Variants in PDE1A observed in about 807,000 individuals in gnomAD.
PDE1A encodes dual specificity calcium/calmodulin-dependent 3',5'-cyclic nucleotide phosphodiesterase 1A.
In PDE1A, 35 loss-of-function variants were observed where a neutral mutation model predicts 61.7. That is an observed-to-expected ratio of 0.57 (90% CI 0.43 to 0.75). The LOEUF (loss-of-function observed/expected upper bound fraction) is 0.75, where lower values mean the gene tolerates loss of function less well. PDE1A is among the 30% of genes least tolerant of loss of function. PDE1A has a pLI of 0.00. For synonymous variants in PDE1A, 232 were observed against 213.2 expected (o/e 1.09, Z -0.77); for missense variants, 597 against 630.6 (o/e 0.95, Z 0.57).
intron 2 of PDE1A, among the ~76,000 whole-genome samples, chr2:182,436,953 A>T (rs1574654115): frequency 6.6e-6 from 1 of 151,966 alleles, no homozygotes; most frequent in East Asian, 1.9e-4. Flanking sequence ...CCATATTTTT[A>T]AAATTATAAT....
chr2:182,243,877 T>A (rs1313285195), intron 2 of PDE1A, among the ~76,000 whole-genome samples: 2 of 152,108 alleles, frequency 1.3e-5, no homozygotes, highest in African/African-American at 4.8e-5. Flanking sequence ...CTTATTATTA[T>A]TATTTTTGAG....
chr2:182,518,471 C>G (rs1218314263), intron 2 of PDE1A, among the ~76,000 whole-genome samples: 1 of 152,116 alleles, frequency 6.6e-6, no homozygotes, highest in Non-Finnish European at 1.5e-5. Context: ...GACAACGAAG[C>G]TTAACTTAAT....
chr2:182,490,343 A>C (rs1293430908), intron 2 of PDE1A, among the ~76,000 whole-genome samples: 1 of 152,200 alleles, frequency 6.6e-6, no homozygotes, highest in Admixed American at 6.5e-5. Context: ...GGAGGATGAC[A>C]TAGGTTAAAA....
chr2:182,675,292 G>GT, the PDE1A span, among the ~76,000 whole-genome samples: 1 of 151,930 alleles, frequency 6.6e-6, no homozygotes, highest in Admixed American at 6.6e-5. Flanking sequence ...TGATCTCATT[G>GT]TTTTTTATGG....
intron 1 of PDE1A, among the ~76,000 whole-genome samples, chr2:182,264,989 AG>A (rs1692526901): frequency 1.3e-5 from 2 of 150,960 alleles, no homozygotes; most frequent in Non-Finnish European, 2.9e-5. Flanking sequence ...CATTATTCTA[AG>A]TTAGGTGACT....
intron 2 of PDE1A, among the ~76,000 whole-genome samples, chr2:182,503,506 C>T (rs1287360931): frequency 6.6e-6 from 1 of 152,158 alleles, no homozygotes; most frequent in African/African-American, 2.4e-5. Flanking sequence ...CACTCTTTCT[C>T]CTACCTGTAC....
At chr2:182,257,782 A>C (rs1222327321) in intron 2 of PDE1A, among the ~76,000 whole-genome samples, 1 of 152,204 alleles carries the variant, frequency 6.6e-6, no homozygotes, top group Non-Finnish European at 1.5e-5. Flanking sequence ...CTGTAGTGGA[A>C]GGTCTCTGTG....
the PDE1A span, among the ~76,000 whole-genome samples, chr2:182,602,645 C>A: frequency 5.3e-5 from 8 of 152,192 alleles, no homozygotes; most frequent in African/African-American, 1.9e-4. Context: ...TCCCACATAT[C>A]CAATAAAAAT....
chr2:182,192,743 G>C (rs1685805065), intron 10 of PDE1A, among the ~76,000 whole-genome samples: 1 of 152,090 alleles, frequency 6.6e-6, no homozygotes. Flanking sequence ...AAGGCAGCCT[G>C]AGGTTCTCAG....
intron 1 of PDE1A, among the ~76,000 whole-genome samples, chr2:182,362,797 A>G (rs1159582969): frequency 6.6e-6 from 1 of 152,088 alleles, no homozygotes; most frequent in Admixed American, 6.6e-5. Flanking sequence ...TCACAATAGC[A>G]AAGACATAGA....
chr2:182,692,701 T>A, the PDE1A span, among the ~76,000 whole-genome samples: 2 of 148,418 alleles, frequency 1.3e-5, no homozygotes, highest in African/African-American at 4.9e-5. Context: ...TATATATATG[T>A]AATATATATA....
rs1837167 is a variant in PDE1A, at chr2:182,264,878, C to T, written c.54-464G>A. On this transcript the variant is annotated intron_variant, in intron 1 of 13. Transcript: ENST00000351439. ...ATAAAGAAAATGTGGTATATATATA[C>T]ATATATATATATATGTATATATATA... Among the ~76,000 whole-genome samples the T allele has an allele frequency of 2.1e-3, 219 of 106,436 alleles. 1 individual carries two copies. Among genetic ancestry groups the T allele is most frequent in the South Asian group, 0.012 (36 of 2,948 alleles). 69.8% of individuals were successfully genotyped at this position (106,436 alleles called of 152,430 possible). A position where few individuals can be genotyped will look rare whatever the true frequency, so the allele number is the denominator to read the frequency against.
At chr2:182,601,351 A>C in the PDE1A span, among the ~76,000 whole-genome samples, 2 of 152,256 alleles carry the variant, frequency 1.3e-5, no homozygotes, top group Non-Finnish European at 2.9e-5. Flanking sequence ...ACTGGCACCA[A>C]GGAATTCAGC....
chr2:182,610,793 A>G, the PDE1A span, among the ~76,000 whole-genome samples: 1 of 152,194 alleles, frequency 6.6e-6, no homozygotes, highest in Non-Finnish European at 1.5e-5. Flanking sequence ...AAACTGAAAA[A>G]TAAAAGTAAA....
chr2:182,483,133 A>G (rs1325087655), intron 2 of PDE1A, among the ~76,000 whole-genome samples: 1 of 151,960 alleles, frequency 6.6e-6, no homozygotes, highest in Admixed American at 6.6e-5. Flanking sequence ...TCAGGACAAT[A>G]TAGCAATCAT....
chr2:182,158,489 T>G (rs1463669966), intron 13 of PDE1A, among the ~76,000 whole-genome samples: 2 of 152,230 alleles, frequency 1.3e-5, no homozygotes, highest in African/African-American at 4.8e-5. Flanking sequence ...TCAGCAGACA[T>G]GCCTTCATAT....
intron 1 of PDE1A, among the ~76,000 whole-genome samples, chr2:182,330,618 C>G (rs1158355696): frequency 6.6e-6 from 1 of 152,118 alleles, no homozygotes; most frequent in South Asian, 2.1e-4. Flanking sequence ...TCCCCTCTGT[C>G]GCCCTCCTGC....
chr2:182,593,563 G>A, the PDE1A span, among the ~76,000 whole-genome samples: 1 of 152,154 alleles, frequency 6.6e-6, no homozygotes, highest in African/African-American at 2.4e-5. Context: ...CAGACCCGTG[G>A]GAGGGAATTT....
chr2:182,223,389 G>T (rs1429246695), intron 7 of PDE1A, among the ~76,000 whole-genome samples: 1 of 151,952 alleles, frequency 6.6e-6, no homozygotes, highest in Non-Finnish European at 1.5e-5. Context: ...AACTTCCATT[G>T]TAACCATCAT....
Sources: gnomAD v4.1 joint callset for allele counts (sites outside exome capture counted in the v4.1 genomes callset) on GRCh38, gnomAD v4.1.1 for gene constraint, MANE v1.5 for transcripts, NCBI Gene and HGNC (gene_info 2026-07-23, HGNC 2026-07-21) for gene names.